PRKAR1A: variants seen among roughly 807,000 people sequenced by gnomAD.
The protein encoded by PRKAR1A is cAMP-dependent protein kinase type I-alpha regulatory subunit.
Under a neutral mutation model 52.0 loss-of-function variants are expected in PRKAR1A, and 3 were observed. The ratio of observed to expected loss-of-function variants is 0.06; its 90% confidence interval spans 0.03 to 0.15. PRKAR1A has a LOEUF of 0.15. Among genes scored for constraint, PRKAR1A ranks in the 10% least tolerant of loss-of-function variants. The probability of loss-of-function intolerance (pLI) is 1.00; values close to 1 mark genes in which losing one functional copy is unlikely to be tolerated. For synonymous variants in PRKAR1A, 188 were observed against 168.4 expected, an observed-to-expected ratio of 1.12 and a Z score of -0.90; for missense variants, 240 against 477.4, an observed-to-expected ratio of 0.50 and a Z score of 4.63.
chr17:68,428,859 C>A, the PRKAR1A span: 3 of 1,614,114 alleles, frequency 1.9e-6, no homozygotes, highest in South Asian at 2.2e-5. Flanking sequence ...ACACTCTCCT[C>A]CATCCTGAGG....
the PRKAR1A span, among the ~76,000 whole-genome samples, chr17:68,455,651 C>T: frequency 6.6e-6 from 1 of 152,298 alleles, no homozygotes; most frequent in East Asian, 1.9e-4. Flanking sequence ...AGCAGAGCTT[C>T]CATCCAAGAA....
chr17:68,526,339 T>C (rs2085790484), intron 7 of PRKAR1A, among the ~76,000 whole-genome samples: 1 of 152,240 alleles, frequency 6.6e-6, no homozygotes, highest in Non-Finnish European at 1.5e-5. Context: ...AATGTATATG[T>C]ATGTCATGTC....
At position 68,541,971 on chromosome 17, in the gene PRKAR1A, G is replaced by A. The variant is rs532347766; in HGVS notation, c.974-9113G>A. ...TGTCAAGGACTGGGCTGTGTGGCCT[G>A]GGGACCAACTCACTCCTCTTTTCCT... On this transcript the variant is annotated intron_variant, in intron 11 of 11. Coordinates refer to the PRKAR1A transcript ENST00000585981. 2.5e-6 allele frequency: 4 copies of A among 1,610,680 alleles called. No individual in the cohort carries two copies. The South Asian group carries it at 4.4e-5, about 18-fold the overall frequency.
chr17:68,456,776 A>G, the PRKAR1A span, among the ~76,000 whole-genome samples: 1 of 152,226 alleles, frequency 6.6e-6, no homozygotes, highest in African/African-American at 2.4e-5. Flanking sequence ...CAGAGCGGGC[A>G]GGCACGATGC....
chr17:68,536,443 G>T (rs1298470610), downstream of PRKAR1A: 1 of 454,122 alleles, frequency 2.2e-6, no homozygotes, highest in South Asian at 1.6e-5. Flanking sequence ...CAGGGAGAAG[G>T]TAGAGGAGAC....
chr17:68,457,663 G>A, the PRKAR1A span: 1 of 307,340 alleles, frequency 3.3e-6, no homozygotes, highest in Non-Finnish European at 5.8e-6. Context: ...CAGAGCACCT[G>A]ATAGGGCGGG....
At chr17:68,462,538 T>A in the PRKAR1A span, among the ~76,000 whole-genome samples, 1 of 152,198 alleles carries the variant, frequency 6.6e-6, no homozygotes, top group Non-Finnish European at 1.5e-5. Context: ...ATAGATCTTC[T>A]CATGTGACGC....
chr17:68,431,782 G>GGCCC, the PRKAR1A span, among the ~76,000 whole-genome samples: 80 of 152,212 alleles, frequency 5.3e-4, no homozygotes, highest in Non-Finnish European at 6.3e-4. Context: ...GTTGAGCGGA[G>GGCCC]AACCCAGAAC....
rs549073647 is a variant in PRKAR1A at position 68,532,898 on chromosome 17, A to G, written c.*2449A>G. 141 of 1,066,136 alleles carry G rather than the reference A, an allele frequency of 1.3e-4. No homozygotes were observed. The highest frequency in any genetic ancestry group is 5.5e-4 in the East Asian group (11 of 20,140). 66.0% of individuals were successfully genotyped at this position (1,066,136 alleles called of 1,614,324 possible). On this transcript the variant is annotated 3_prime_UTR_variant, in exon 11 of 11. Coordinates refer to ENST00000589228, the MANE Select transcript of PRKAR1A (RefSeq NM_002734.5). ...ATGGGATCGGTGTTTTGAAAGAGCA[A>G]TGTTTATTTTCAGTGCTTTTCAGTT...
At chr17:68,515,609 T>TTGTGAC (rs1338699716) in intron 2 of PRKAR1A, 33 bp downstream of exon 2, 9 of 1,588,834 alleles carry the variant, frequency 5.7e-6, no homozygotes, top group Non-Finnish European at 7.8e-6. Flanking sequence ...GATGAGGTGA[T>TTGTGAC]TGTGACAGTT....
chr17:68,425,364 C>A, the PRKAR1A span, among the ~76,000 whole-genome samples: 1 of 148,592 alleles, frequency 6.7e-6, no homozygotes, highest in East Asian at 2.0e-4. Flanking sequence ...ACACCACACC[C>A]GGCTAATTTT....
intron 2 of PRKAR1A, among the ~76,000 whole-genome samples, chr17:68,522,303 G>A (rs1219393468): frequency 6.6e-6 from 1 of 152,150 alleles, no homozygotes; most frequent in African/African-American, 2.4e-5. Context: ...GACATTCTTG[G>A]ATCACTATGT....
chr17:68,473,421 C>T, the PRKAR1A span, among the ~76,000 whole-genome samples: 41 of 152,188 alleles, frequency 2.7e-4, no homozygotes, highest in African/African-American at 9.2e-4. Context: ...TTCAGACTCA[C>T]ATAGAACTGA....
At chr17:68,424,309 A>T in the PRKAR1A span, 1 of 427,272 alleles carries the variant, frequency 2.3e-6, no homozygotes, top group Non-Finnish European at 4.7e-6. Context: ...CGCAGAGCCG[A>T]TGTGGGAAAT....
intron 8 of PRKAR1A, among the ~76,000 whole-genome samples, chr17:68,528,475 T>G (rs1314923479): frequency 6.6e-6 from 1 of 152,258 alleles, no homozygotes; most frequent in Non-Finnish European, 1.5e-5. Flanking sequence ...ACCAAGAATT[T>G]AAATAGATTA....
intron 3 of PRKAR1A, 59 bp downstream of exon 3, chr17:68,522,985 A>C: frequency 6.3e-7 from 1 of 1,591,994 alleles, no homozygotes. Flanking sequence ...GTGGTCATCT[A>C]GTCTCCTTTG....
At chr17:68,542,263 T>C in intron 11 of PRKAR1A, 1 of 1,302,924 alleles carries the variant, frequency 7.7e-7, no homozygotes, top group Non-Finnish European at 1.1e-6. Context: ...AGGGAAACCC[T>C]GAACTCACAG....
chr17:68,520,650 A>G (rs996200477), intron 2 of PRKAR1A, among the ~76,000 whole-genome samples: 2 of 152,208 alleles, frequency 1.3e-5, no homozygotes, highest in African/African-American at 4.8e-5. Flanking sequence ...ATATCATAGT[A>G]TATACTAGAA....
At chr17:68,523,272 C>G (rs2085676393) in intron 3 of PRKAR1A, among the ~76,000 whole-genome samples, 1 of 152,120 alleles carries the variant, frequency 6.6e-6, no homozygotes, top group South Asian at 2.1e-4. Context: ...ATTCTACGAG[C>G]CTCATTTGTC....
Sources: allele counts gnomAD v4.1 joint callset (sites outside exome capture counted in the v4.1 genomes callset), GRCh38; gene constraint gnomAD v4.1.1; transcripts MANE v1.5; gene names NCBI Gene and HGNC (gene_info 2026-07-23, HGNC 2026-07-21).